Variants in SNRPE observed in about 807,000 individuals in gnomAD.
SNRPE encodes small nuclear ribonucleoprotein polypeptide E, also known as small nuclear ribonucleoprotein E.
For missense variants in SNRPE, 53 were observed against 111.6 expected, an observed-to-expected ratio of 0.48 and a Z score of 2.36; for synonymous variants, 35 against 36.7, an observed-to-expected ratio of 0.95 and a Z score of 0.17.
chr1:203,864,297 G>A (rs1224659032), intron 3 of SNRPE, among the ~76,000 whole-genome samples: 1 of 151,982 alleles, frequency 6.6e-6, no homozygotes, highest in Admixed American at 6.6e-5. Flanking sequence ...AATATTGAGC[G>A]ACAATGTTAG....
chr1:203,863,757 G>T, intron 3 of SNRPE, 32 bp downstream of exon 3: 4 of 1,426,572 alleles, frequency 2.8e-6, no homozygotes, highest in Non-Finnish European at 4.0e-6. Context: ...TCTCATAGCA[G>T]TTCGGTCGTA....
intron 3 of SNRPE, among the ~76,000 whole-genome samples, chr1:203,864,064 C>A (rs1690036259): frequency 6.6e-6 from 1 of 152,100 alleles, no homozygotes; most frequent in Non-Finnish European, 1.5e-5. Context: ...AAGTAGTCCT[C>A]CTGCCTCAGC....
chr1:203,864,785 G>A (rs555256140), intron 3 of SNRPE, among the ~76,000 whole-genome samples: 1 of 148,664 alleles, frequency 6.7e-6, no homozygotes, highest in East Asian at 2.0e-4. Context: ...AGCTGAGGCA[G>A]AAGAATTGCT....
At chr1:203,866,145 G>A (rs1218655754) in intron 4 of SNRPE, among the ~76,000 whole-genome samples, 1 of 152,230 alleles carries the variant, frequency 6.6e-6, no homozygotes, top group African/African-American at 2.4e-5. Flanking sequence ...CAGCTCCCAT[G>A]CTGAAACGTT....
intron 4 of SNRPE, among the ~76,000 whole-genome samples, chr1:203,868,850 G>C (rs896637517): frequency 6.6e-6 from 1 of 151,956 alleles, no homozygotes; most frequent in Non-Finnish European, 1.5e-5. Flanking sequence ...TTGTATTTTA[G>C]TAGAAGACGG....
chr1:203,869,837 G>C (rs199571868), intron 4 of SNRPE, 40 bp from the exon 5 acceptor site: 2 of 1,431,400 alleles, frequency 1.4e-6, no homozygotes, highest in Non-Finnish European at 9.7e-7. Flanking sequence ...ACATCTGAGT[G>C]TGTGGCTATT....
rs542094545 is a variant in SNRPE, at chr1:203,863,859, G to A, written c.144+134G>A. The stretch of plus-strand genomic sequence containing the variant: ...AAAGTTTTTCAGGTGCTGCTGTTTA[G>A]CCTTTTTTCATTGTTGATAGATAAG... On this transcript the variant is annotated intron_variant, in intron 3 of 4. Coordinates refer to ENST00000414487, the MANE Select transcript of SNRPE (RefSeq NM_003094.4). 2.0e-3 allele frequency: 1,257 copies of A among 626,230 alleles called. 4 individuals are homozygous for A. The highest frequency in any genetic ancestry group is 3.2e-3 in the Non-Finnish European group (1,107 of 346,102). 38.8% of individuals were successfully genotyped at this position (626,230 alleles called of 1,614,324 possible).
intron 4 of SNRPE, among the ~76,000 whole-genome samples, chr1:203,869,281 G>C (rs1690160557): frequency 7.3e-6 from 1 of 136,386 alleles, no homozygotes; most frequent in Admixed American, 7.6e-5. Flanking sequence ...TTTATTGTAG[G>C]ATGGAGTCTT....
intron 3 of SNRPE, among the ~76,000 whole-genome samples, chr1:203,864,565 C>T (rs569047384): frequency 6.6e-6 from 1 of 152,156 alleles, no homozygotes; most frequent in South Asian, 2.1e-4. Flanking sequence ...TAGGCATACA[C>T]CACCAGGTCC....
At chr1:203,865,305 C>A (rs1690064606) in intron 4 of SNRPE, among the ~76,000 whole-genome samples, 186 bp downstream of exon 4, 1 of 152,160 alleles carries the variant, frequency 6.6e-6, no homozygotes. Flanking sequence ...TTGGCTTCTC[C>A]ACCCAGAGAG....
At chr1:203,864,885 A>AT (rs1266326929) in intron 3 of SNRPE, among the ~76,000 whole-genome samples, 156 bp from the exon 4 acceptor site, 46 of 38,548 alleles carry the variant, frequency 1.2e-3, no homozygotes, top group African/African-American at 4.5e-3. Flanking sequence ...TCAAAAAAAA[A>AT]AAAAAAAAAA....
At chr1:203,866,184 T>G (rs924896566) in intron 4 of SNRPE, among the ~76,000 whole-genome samples, 6 of 152,204 alleles carry the variant, frequency 3.9e-5, no homozygotes, top group African/African-American at 1.4e-4. Context: ...CAGTCAATCA[T>G]TAGCATACAA....
chr1:203,863,060 T>C (rs1386416173), intron 2 of SNRPE, among the ~76,000 whole-genome samples: 1 of 152,070 alleles, frequency 6.6e-6, no homozygotes, highest in African/African-American at 2.4e-5. Context: ...TTATTATTAT[T>C]GGTGAATAAT....
rs148483124 is a variant in SNRPE at position 203,863,276 on chromosome 1, C to G, written c.82-387C>G. 1.6e-3 allele frequency among the ~76,000 whole-genome samples: 240 copies of G among 152,156 alleles called. 2 individuals carry two copies. Among genetic ancestry groups the G allele is most frequent in the African/African-American group, 5.3e-3 (222 of 41,544 alleles). On this transcript the variant is annotated intron_variant, in intron 2 of 4. Transcript: ENST00000414487. ...CACAAAGCGAATTATTCCGCTTTGG[C>G]ATCCCAAAGTATGGGAACGGTGTGA...
At chr1:203,867,123 A>AAAAAAAAAACAAAAC (rs1553274873) in intron 4 of SNRPE, among the ~76,000 whole-genome samples, 1 of 141,294 alleles carries the variant, frequency 7.1e-6, no homozygotes, top group East Asian at 2.1e-4. Context: ...AAAAAAAAAA[A>AAAAAAAAAACAAAAC]AAAAAAATTA....
At chr1:203,869,158 C>T (rs748662651) in intron 4 of SNRPE, among the ~76,000 whole-genome samples, 2 of 152,108 alleles carry the variant, frequency 1.3e-5, no homozygotes, top group Non-Finnish European at 2.9e-5. Flanking sequence ...AGTTGATCAA[C>T]GTGTCTCAAA....
intron 1 of SNRPE, 93 bp from the exon 2 acceptor site, chr1:203,862,103 A>G (rs1689989838): frequency 9.7e-7 from 1 of 1,031,684 alleles, no homozygotes; most frequent in Non-Finnish European, 1.5e-6. Context: ...GCGTTTAGTA[A>G]ACAAAGGTGA....
intron 4 of SNRPE, among the ~76,000 whole-genome samples, chr1:203,867,421 A>AT (rs1247106788): frequency 3.9e-5 from 6 of 152,086 alleles, no homozygotes; most frequent in Non-Finnish European, 8.8e-5. Context: ...GCACTTTATT[A>AT]TTATTACATT....
At chr1:203,862,845 G>C (rs193263618) in intron 2 of SNRPE, among the ~76,000 whole-genome samples, 1 of 152,248 alleles carries the variant, frequency 6.6e-6, no homozygotes, top group Non-Finnish European at 1.5e-5. Flanking sequence ...ACATGAGAAG[G>C]CTTTGTTTTG....
Sources: allele counts gnomAD v4.1 joint callset (sites outside exome capture counted in the v4.1 genomes callset), GRCh38; gene constraint gnomAD v4.1.1; transcripts MANE v1.5; gene names NCBI Gene and HGNC (gene_info 2026-07-23, HGNC 2026-07-21).